The following DLGAP2 variants were observed in gnomAD, a reference collection of about 807,000 sequenced individuals.
DLGAP2 encodes disks large-associated protein 2.
In DLGAP2, 26 loss-of-function variants were observed where a neutral mutation model predicts 100.3. The ratio of observed to expected loss-of-function variants is 0.26; its 90% CI spans 0.19 to 0.36. DLGAP2 has a LOEUF of 0.36. DLGAP2 is among the 10% of genes least tolerant of loss of function. DLGAP2 has a pLI of 1.00. For missense variants in DLGAP2, 1,858 were observed against 1,453.2 expected (o/e 1.28, Z -4.53); for synonymous variants, 886 against 630.1 (o/e 1.41, Z -6.08).
chr8:1,139,207 G>C (rs76191553), intron 2 of DLGAP2, among the ~76,000 whole-genome samples: 8 of 152,224 alleles, frequency 5.3e-5, no homozygotes, highest in East Asian at 1.9e-4. Flanking sequence ...TGCACAGGGC[G>C]GGGGGAGCTC....
At chr8:1,442,527 G>C (rs900811913) in intron 3 of DLGAP2, among the ~76,000 whole-genome samples, 338 of 144,664 alleles carry the variant, frequency 2.3e-3, no homozygotes, top group African/African-American at 8.4e-3. Flanking sequence ...CCAGGCTGCT[G>C]TGGGTTCAGC....
intron 10 of DLGAP2, among the ~76,000 whole-genome samples, chr8:1,672,167 G>A (rs1184972325): frequency 6.6e-6 from 1 of 152,018 alleles, no homozygotes; most frequent in Non-Finnish European, 1.5e-5. Flanking sequence ...TGTCCCTGGT[G>A]CCTTGTGAAT....
At position 1,678,447 on chromosome 8, in the gene DLGAP2, C is replaced by A. The variant is rs901071648; in HGVS notation, c.2522C>A (p.Thr841Asn). 1 of 1,613,656 alleles carries A rather than the reference C, an allele frequency of 6.2e-7. No individual in the cohort carries two copies. The highest frequency in any genetic ancestry group is 2.2e-5 in the East Asian group (1 of 44,854). Residue 841 changes from threonine to asparagine, a missense_variant, in exon 12 of 15, where the codon ACC becomes AAC. Transcript: ENST00000637795. The part of the protein sequence containing the change: ...EDYRTQVDTS[T>N]LPPPDPWLEP... The stretch of plus-strand genomic sequence containing the variant: ...TATCGGACCCAAGTGGACACCTCCA[C>A]CCTGCCCCCTCCAGACCCCTGGCTG...
At chr8:980,269 G>C (rs746573150) in intron 2 of DLGAP2, among the ~76,000 whole-genome samples, 14 of 152,330 alleles carry the variant, frequency 9.2e-5, no homozygotes, top group Non-Finnish European at 1.6e-4. Flanking sequence ...AGAAGGTGCA[G>C]GGCCCACCGT....
chr8:1,027,959 T>C (rs1384130333), intron 2 of DLGAP2, among the ~76,000 whole-genome samples: 185 of 67,030 alleles, frequency 2.8e-3, no homozygotes, highest in Admixed American at 3.5e-3. Flanking sequence ...TGCCAGGCGC[T>C]CGTTATTCTC....
chr8:1,285,196 C>A (rs987725303), intron 3 of DLGAP2, among the ~76,000 whole-genome samples: 1 of 152,108 alleles, frequency 6.6e-6, no homozygotes, highest in Non-Finnish European at 1.5e-5. Flanking sequence ...GTCACGTTCC[C>A]AATGGCTCCC....
At chr8:1,379,855 TCGG>T (rs1796051297) in intron 3 of DLGAP2, 1 of 85,446 alleles carries the variant, frequency 1.2e-5, no homozygotes, top group Non-Finnish European at 3.0e-5. Context: ...CCCCTCCTGC[TCGG>T]TGGGGGCCTG....
rs1797685254 is a variant in DLGAP2, at chr8:1,632,940, G to A, written c.1704G>A (p.Arg568=). The change falls in exon 8 of 15, where the codon AGG becomes AGA. Residue 568 remains arginine, a synonymous_variant. Transcript: ENST00000637795. Reference sequence around the variant, plus strand: ...ACCTCCCGGGATGTTTCCGAACAAGGAGTCACAGCTACCTTCGAGCCATTC... The same window carrying A: ...ACCTCCCGGGATGTTTCCGAACAAGAAGTCACAGCTACCTTCGAGCCATTC... The part of the protein sequence containing the change: ...ALDLPGCFRT[R]SHSYLRAIQA... 6.2e-7 allele frequency: 1 copy of A among 1,613,850 alleles called. No individual in the cohort carries two copies. Among genetic ancestry groups the A allele is most frequent in the Admixed American group, 1.7e-5 (1 of 59,986 alleles).
intron 2 of DLGAP2, among the ~76,000 whole-genome samples, chr8:1,066,074 AG>A (rs1007875440): frequency 6.6e-6 from 1 of 152,192 alleles, no homozygotes; most frequent in Non-Finnish European, 1.5e-5. Context: ...GAGCGAGGAC[AG>A]TTCCCCACAA....
intron 1 of DLGAP2, 113 bp from the exon 2 acceptor site, chr8:907,795 GCTGA>G (rs1321405750): frequency 1.3e-5 from 5 of 393,450 alleles, no homozygotes; most frequent in Non-Finnish European, 2.2e-5. Flanking sequence ...TTCTGGGCAC[GCTGA>G]CTTTGTGCAA....
At chr8:969,437 A>T (rs1799960654) in intron 2 of DLGAP2, among the ~76,000 whole-genome samples, 1 of 152,094 alleles carries the variant, frequency 6.6e-6, no homozygotes, top group South Asian at 2.1e-4. Flanking sequence ...ACGAATACAC[A>T]AACCAGTGCA....
chr8:1,633,170 T>A, intron 8 of DLGAP2, 124 bp downstream of exon 8: 1 of 873,024 alleles, frequency 1.1e-6, no homozygotes, highest in East Asian at 2.6e-5. Context: ...CTAGTAACGT[T>A]TCCTAATTGC....
At chr8:1,031,978 C>G (rs751868970) in intron 2 of DLGAP2, among the ~76,000 whole-genome samples, 1 of 152,146 alleles carries the variant, frequency 6.6e-6, no homozygotes, top group Non-Finnish European at 1.5e-5. Flanking sequence ...TAGCGAATCC[C>G]CAGGGGTGTT....
intron 2 of DLGAP2, among the ~76,000 whole-genome samples, chr8:1,042,723 G>A (rs1040567868): frequency 8.0e-5 from 12 of 150,530 alleles, no homozygotes; most frequent in African/African-American, 2.7e-4. Context: ...TGTGGGTGGT[G>A]GATGTGAGTG....
intron 1 of DLGAP2, among the ~76,000 whole-genome samples, chr8:751,630 A>G (rs1820791856): frequency 1.1e-5 from 1 of 88,248 alleles, no homozygotes; most frequent in Admixed American, 1.1e-4. Context: ...AAGTCCTTAT[A>G]GGAAGTTCAT....
At chr8:1,249,939 G>GTT (rs1437177362) in intron 2 of DLGAP2, among the ~76,000 whole-genome samples, 9 of 152,060 alleles carry the variant, frequency 5.9e-5, no homozygotes, top group African/African-American at 2.2e-4. Context: ...GGAGTGCAGT[G>GTT]GCGTGATCTC....
At chr8:1,154,724 G>A (rs1796750136) in intron 2 of DLGAP2, among the ~76,000 whole-genome samples, 2 of 152,188 alleles carry the variant, frequency 1.3e-5, no homozygotes, top group African/African-American at 2.4e-5. Flanking sequence ...CTTTTCTCCC[G>A]GAGTCGGTCA....
At chr8:1,176,351 G>T (rs554122727) in intron 2 of DLGAP2, among the ~76,000 whole-genome samples, 4 of 152,202 alleles carry the variant, frequency 2.6e-5, no homozygotes, top group Non-Finnish European at 5.9e-5. Flanking sequence ...ATTACAGTTC[G>T]AGGTGAGATT....
In DLGAP2 at chr8:1,633,035, G is replaced by T; in HGVS notation, c.1799G>T (p.Arg600Met). 6.2e-7 allele frequency: 1 copy of T among 1,613,944 alleles called. No homozygotes were observed. The highest frequency in any genetic ancestry group is 8.5e-7 in the Non-Finnish European group (1 of 1,179,888). The change falls in exon 8 of 15, where the codon AGG becomes ATG. Residue 600 changes from arginine (R) to methionine (M), a missense_variant. Coordinates refer to ENST00000637795, the MANE Select transcript of DLGAP2 (RefSeq NM_001346810.2). ...CCCTCTGACATCACCTCCACCATCA[G>T]GTCAACAGCAGGTAAGGGGACGCCA... The part of the protein sequence containing the change: ...MTPSDITSTI[R>M]STAAVSYTNY...
Sources: gnomAD v4.1 joint callset for allele counts (sites outside exome capture counted in the v4.1 genomes callset) on GRCh38, gnomAD v4.1.1 for gene constraint, MANE v1.5 for transcripts, NCBI Gene and HGNC (gene_info 2026-07-23, HGNC 2026-07-21) for gene names.